The following SSBP1 variants were observed in gnomAD, a reference collection of about 807,000 sequenced individuals.
The protein encoded by SSBP1 is single-stranded DNA-binding protein, mitochondrial.
SSBP1 carries 20 observed loss-of-function variants against 27.0 expected under a neutral mutation model. The observed-to-expected ratio is 0.74, with a 90% CI of 0.52 to 1.08. The LOEUF is 1.08. SSBP1 is among the 50% of genes least tolerant of loss of function. The pLI, the probability that SSBP1 is intolerant of heterozygous loss-of-function variation, is 0.00. For synonymous variants in SSBP1, 59 were observed against 59.3 expected (o/e 1.00, Z 0.02); for missense variants, 137 against 182.4 (o/e 0.75, Z 1.44).
chr7:141,743,961 G>C lies in SSBP1; in HGVS notation c.286G>C (p.Asp96His). 1.2e-6 allele frequency: 2 copies of C among 1,613,310 alleles called. No homozygotes were observed. The highest frequency in any genetic ancestry group is 2.2e-5 in the South Asian group (2 of 90,982). The change falls in exon 5 of 7, where the codon GAC becomes CAC. Residue 96 changes from aspartate to histidine, a missense_variant. Physicochemically the swap from Asp to His is moderately conservative, Grantham distance 81. Transcript: ENST00000265304. The part of the protein sequence containing the change: ...RISVFRPGLR[D>H]VAYQYVKKGS... ...ATCAGTATTCCGGCCAGGCCTCAGA[G>C]ACGTGGCATATCAATATGTGAAAAA... is the stretch of plus-strand genomic sequence containing the variant.
chr7:141,746,018 T>A lies in SSBP1; in HGVS notation c.403+434T>A, dbSNP rs1799775086. On this transcript the variant is annotated intron_variant, in intron 6 of 6. Transcript: ENST00000265304. Reference sequence around the variant, plus strand: ...TGAAATTTCTATTTGAAATTAAGATTTTTTTAATTTTATTTTTTTTGAGCC... The same window carrying A: ...TGAAATTTCTATTTGAAATTAAGATATTTTTAATTTTATTTTTTTTGAGCC... 4 of 971,540 alleles carry A rather than the reference T, an allele frequency of 4.1e-6. No individual in the cohort carries two copies. The South Asian group carries it at 1.9e-4, about 46-fold the overall frequency. The allele number at this position is 971,540 out of a possible 1,614,324, so 60.2% of individuals were successfully genotyped here.
At chr7:141,747,318 ATAAAC>A (rs1486097865) in intron 6 of SSBP1, among the ~76,000 whole-genome samples, 1 of 152,066 alleles carries the variant, frequency 6.6e-6, no homozygotes. Flanking sequence ...ATACATGGCA[ATAAAC>A]TAAATTTTAC....
chr7:141,740,265 G>A (rs1325960246), intron 2 of SSBP1: 1 of 152,196 alleles, frequency 6.6e-6, no homozygotes, highest in East Asian at 1.9e-4. Flanking sequence ...ACAGCACCCT[G>A]GGGATTGGTG....
chr7:141,745,553 T>C lies in SSBP1; in HGVS notation c.372T>C (p.Asn124=), dbSNP rs780195782. The change falls in exon 6 of 7, where the codon AAT becomes AAC. Residue 124 remains asparagine (N), a synonymous_variant. Coordinates refer to ENST00000265304, the MANE Select transcript of SSBP1 (RefSeq NM_003143.3). ...ATGGTGAATACATGGATAAAAATAA[T>C]GTGAGGCGACAAGCAACAACAATCA... is the stretch of plus-strand genomic sequence containing the variant. ...IDYGEYMDKN[N]VRRQATTIIA... 3 of 1,612,972 alleles carry C rather than the reference T, an allele frequency of 1.9e-6. No individual in the cohort carries two copies. Among genetic ancestry groups the C allele is most frequent in the East Asian group, 4.5e-5 (2 of 44,802 alleles).
intron 6 of SSBP1, among the ~76,000 whole-genome samples, chr7:141,748,694 A>G (rs927388222): frequency 6.6e-6 from 1 of 152,206 alleles, no homozygotes; most frequent in African/African-American, 2.4e-5. Flanking sequence ...CCACTAGCAC[A>G]GTCAGTTTAC....
At chr7:141,747,928 G>A (rs1164348042) in intron 6 of SSBP1, among the ~76,000 whole-genome samples, 1 of 147,676 alleles carries the variant, frequency 6.8e-6, no homozygotes, top group Non-Finnish European at 1.5e-5. Context: ...AACCCAGGAG[G>A]CAGTGTTTGT....
intron 6 of SSBP1, among the ~76,000 whole-genome samples, chr7:141,747,247 T>G (rs1441637509): frequency 6.6e-6 from 1 of 152,134 alleles, no homozygotes; most frequent in Non-Finnish European, 1.5e-5. Context: ...TTAGACATTG[T>G]GAATTTTGTG....
chr7:141,746,760 A>G lies in SSBP1; in HGVS notation c.403+1176A>G, dbSNP rs573464819. Among the ~76,000 whole-genome samples the G allele has an allele frequency of 3.9e-5, 6 of 152,360 alleles. No individual in the cohort carries two copies. The East Asian group carries it at 5.8e-4, about 15-fold the overall frequency. ...GAGTTTTTAAACTTTTGAAAATGCT[A>G]TAAGAATTTTGAAAATAATATACCC... is the stretch of plus-strand genomic sequence containing the variant. On this transcript the variant is annotated intron_variant, in intron 6 of 6. Coordinates refer to ENST00000265304, the MANE Select transcript of SSBP1 (RefSeq NM_003143.3).
intron 2 of SSBP1, chr7:141,740,095 A>C (rs1769892343): frequency 6.6e-6 from 1 of 152,208 alleles, no homozygotes; most frequent in Non-Finnish European, 1.5e-5. Flanking sequence ...ATCTCTGTGT[A>C]AGATTTATGA....
At chr7:141,741,694 G>A (rs1469152274) in intron 2 of SSBP1, 1 of 844,254 alleles carries the variant, frequency 1.2e-6, no homozygotes, top group East Asian at 1.2e-4. Context: ...AAAAAAATTA[G>A]AGGATGTATA....
chr7:141,745,610 T>A, intron 6 of SSBP1, 26 bp downstream of exon 6: 1 of 1,612,434 alleles, frequency 6.2e-7, no homozygotes. Flanking sequence ...AAATAGCTGT[T>A]TTTTTCTTTT....
At position 141,738,984 on chromosome 7, in the gene SSBP1, T is replaced by A. The variant is rs2240383; in HGVS notation, c.-43-140T>A. ...GAGGGAGGAAGGAATCCTCATCAGATGTGCAGGAATGTTGGTACGTTGTGG... is the reference window on the plus strand; with the variant it reads ...GAGGGAGGAAGGAATCCTCATCAGAAGTGCAGGAATGTTGGTACGTTGTGG... On this transcript the variant is annotated intron_variant, in intron 1 of 6. Coordinates refer to ENST00000265304, the MANE Select transcript of SSBP1 (RefSeq NM_003143.3). The A allele has an allele frequency of 3.4e-5, 16 of 473,002 alleles. No homozygotes were observed. In the East Asian group the frequency reaches 5.3e-4, roughly 16 times the overall value. The allele number at this position is 473,002 out of a possible 1,614,324, so 29.3% of individuals were successfully genotyped here.
intron 4 of SSBP1, 89 bp from the exon 5 acceptor site, chr7:141,743,813 T>G: frequency 6.5e-7 from 1 of 1,545,220 alleles, no homozygotes; most frequent in African/African-American, 1.4e-5. Flanking sequence ...TCTTTCATTC[T>G]GTTTGTTCTC....
chr7:141,745,726 A>G (rs1457749565), intron 6 of SSBP1, 142 bp downstream of exon 6: 14 of 1,391,652 alleles, frequency 1.0e-5, no homozygotes, highest in Middle Eastern at 2.1e-4. Context: ...CATAACTCTT[A>G]TTTCTCTACT....
chr7:141,739,243 T>C (rs537717127), intron 2 of SSBP1, 53 bp downstream of exon 2: 4 of 1,457,714 alleles, frequency 2.7e-6, no homozygotes, highest in African/African-American at 2.9e-5. Context: ...GCCACAGTGA[T>C]CAGAAGACTT....
chr7:141,741,287 T>G (rs1327577580), intron 2 of SSBP1: 1 of 152,312 alleles, frequency 6.6e-6, no homozygotes, highest in Non-Finnish European at 1.5e-5. Flanking sequence ...TGTGAGAATC[T>G]AATGCCACTG....
rs1413917265 is a variant in SSBP1, at chr7:141,745,676, AC to A, written c.403+94del. The A allele has an allele frequency of 3.9e-6, 6 of 1,544,942 alleles. No homozygotes were observed. The African/African-American group carries it at 4.2e-5, about 11-fold the overall frequency. On this transcript the variant is annotated intron_variant, in intron 6 of 6. Transcript: ENST00000265304. Reference sequence around the variant, plus strand: ...ACTGTAACTAACTAGGGTTAAGAGTACCAGTACTTATGAGTTAAGGCAACTC... The same window carrying A: ...ACTGTAACTAACTAGGGTTAAGAGTACAGTACTTATGAGTTAAGGCAACTC...
In SSBP1 at chr7:141,745,703, A is replaced by G. The variant is rs112909022; in HGVS notation, c.403+119A>G. ...CAGTACTTATGAGTTAAGGCAACTC[A>G]CTAGAAGATGTCCATAACTCTTATT... On this transcript the variant is annotated intron_variant, in intron 6 of 6. Coordinates refer to ENST00000265304, the MANE Select transcript of SSBP1 (RefSeq NM_003143.3). The G allele has an allele frequency of 3.0e-3, 4,300 of 1,453,634 alleles. 119 individuals carry two copies. In the African/African-American group the frequency reaches 0.055, roughly 18 times the overall value. 90.0% of individuals were successfully genotyped at this position (1,453,634 alleles called of 1,614,324 possible).
intron 3 of SSBP1, among the ~76,000 whole-genome samples, 184 bp downstream of exon 3, chr7:141,742,413 G>A (rs2301924): frequency 0.46 from 69,142 of 151,908 alleles, 16,382 homozygotes; most frequent in East Asian, 0.75. Context: ...CTGAGCCCCT[G>A]TTCTCCTTAT....
Sources: gnomAD v4.1 joint callset for allele counts (sites outside exome capture counted in the v4.1 genomes callset) on GRCh38, gnomAD v4.1.1 for gene constraint, MANE v1.5 for transcripts, NCBI Gene and HGNC (gene_info 2026-07-23, HGNC 2026-07-21) for gene names.